C2CD3: variants seen among roughly 807,000 people sequenced by gnomAD.
C2CD3 encodes C2 domain containing 3 centriole elongation regulator, also known as C2 domain-containing protein 3.
In C2CD3, 148 loss-of-function variants were observed where a neutral mutation model predicts 234.0. That is an observed-to-expected ratio of 0.63 (90% CI 0.55 to 0.72). C2CD3 has a LOEUF of 0.72. Ranked by LOEUF, C2CD3 falls within the 30% of genes least tolerant of loss-of-function variation. The pLI is 0.00. For missense variants in C2CD3, 2,577 were observed against 2,811.5 expected, an observed-to-expected ratio of 0.92 and a Z score of 1.89; for synonymous variants, 1,000 against 1,035.4, an observed-to-expected ratio of 0.97 and a Z score of 0.66.
intron 7 of C2CD3, among the ~76,000 whole-genome samples, chr11:74,124,368 C>T (rs889929823): frequency 2.0e-5 from 3 of 152,100 alleles, no homozygotes; most frequent in Non-Finnish European, 2.9e-5. Flanking sequence ...CATTCCCTTC[C>T]TCACCTTTCC....
Position 74,090,940 on chromosome 11 carries a change from A to C in C2CD3, c.3518-4T>G, listed in dbSNP as rs184342009. On this transcript the variant is annotated splice_region_variant and splice_polypyrimidine_tract_variant and intron_variant, in intron 19 of 32. Transcript: ENST00000334126. ...CTTAGGCCCACATCCAGTAAACCTG[A>C]AGAATGAGGACACAAGGAAAGAAGG... 102 of 1,613,668 alleles carry C rather than the reference A, an allele frequency of 6.3e-5. 1 individual carries two copies. In the East Asian group the frequency reaches 2.2e-3, roughly 35 times the overall value.
At chr11:74,034,466 A>T in intron 30 of C2CD3, 188 bp from the exon 31 acceptor site, 1 of 1,557,004 alleles carries the variant, frequency 6.4e-7, no homozygotes, top group Non-Finnish European at 8.7e-7. Context: ...CTTTATTCTA[A>T]TATCAGAGGA....
intron 29 of C2CD3, among the ~76,000 whole-genome samples, chr11:74,041,524 C>T (rs1953056822): frequency 6.6e-6 from 1 of 152,204 alleles, no homozygotes; most frequent in Admixed American, 6.5e-5. Context: ...GCTATCTCCT[C>T]CACTGAGATG....
At chr11:74,048,137 A>G in intron 28 of C2CD3, 68 bp downstream of exon 28, 1 of 1,501,254 alleles carries the variant, frequency 6.7e-7, no homozygotes, top group Non-Finnish European at 9.1e-7. Flanking sequence ...AAAGAGAGAA[A>G]TGATAAGCCA....
chr11:74,094,113 C>G (rs1956012117), intron 17 of C2CD3, 114 bp from the exon 18 acceptor site: 1 of 789,862 alleles, frequency 1.3e-6, no homozygotes, highest in Admixed American at 2.9e-5. Flanking sequence ...TTATGGTTCC[C>G]TAAGGTCCCA....
At chr11:74,060,833 A>C (rs1954201913) in intron 24 of C2CD3, among the ~76,000 whole-genome samples, 1 of 152,228 alleles carries the variant, frequency 6.6e-6, no homozygotes, top group Non-Finnish European at 1.5e-5. Flanking sequence ...TTTCCAAGCT[A>C]AAGGAGGATG....
intron 3 of C2CD3, among the ~76,000 whole-genome samples, chr11:74,151,175 C>A (rs546441242): frequency 2.0e-5 from 3 of 152,150 alleles, no homozygotes. Flanking sequence ...CCGCCCGCCT[C>A]GGCCTCCCAA....
chr11:74,133,945 A>G (rs1407207063), intron 5 of C2CD3, among the ~76,000 whole-genome samples: 1 of 152,174 alleles, frequency 6.6e-6, no homozygotes, highest in African/African-American at 2.4e-5. Flanking sequence ...AAAGAGTGCT[A>G]AAAAGCTTCC....
chr11:74,160,046 T>C (rs796097741), intron 3 of C2CD3, among the ~76,000 whole-genome samples: 11 of 152,324 alleles, frequency 7.2e-5, no homozygotes, highest in African/African-American at 2.4e-4. Context: ...ACTGCCTTCA[T>C]TGTGTTACAA....
chr11:74,138,393 A>G (rs564740129), intron 5 of C2CD3, among the ~76,000 whole-genome samples: 1 of 152,340 alleles, frequency 6.6e-6, no homozygotes, highest in African/African-American at 2.4e-5. Flanking sequence ...ATCACGAGAC[A>G]AAAACCTTAC....
intron 24 of C2CD3, among the ~76,000 whole-genome samples, chr11:74,059,410 C>CAAAAAAAAAA (rs57052333): frequency 1.7e-4 from 5 of 29,958 alleles, no homozygotes; most frequent in African/African-American, 4.1e-4. Flanking sequence ...GACTCTGTCT[C>CAAAAAAAAAA]AAAAAAAAAA....
chr11:74,031,727 G>A (rs1325978442), intron 31 of C2CD3, among the ~76,000 whole-genome samples: 2 of 152,188 alleles, frequency 1.3e-5, no homozygotes, highest in Non-Finnish European at 2.9e-5. Flanking sequence ...AGAATAGTCA[G>A]GAAGGCCTAA....
chr11:74,084,003 T>C (rs1218552484), intron 22 of C2CD3, among the ~76,000 whole-genome samples: 1 of 152,228 alleles, frequency 6.6e-6, no homozygotes, highest in Non-Finnish European at 1.5e-5. Flanking sequence ...TGTATGTTTA[T>C]TGCGGCACTA....
intron 20 of C2CD3, among the ~76,000 whole-genome samples, chr11:74,087,721 A>G (rs538043590): frequency 3.7e-4 from 57 of 152,328 alleles, no homozygotes; most frequent in African/African-American, 1.3e-3. Context: ...TTGGGCCCCA[A>G]GCTGGTTTGA....
intron 20 of C2CD3, among the ~76,000 whole-genome samples, chr11:74,087,480 C>T (rs1421004523): frequency 6.6e-6 from 1 of 151,878 alleles, no homozygotes; most frequent in Non-Finnish European, 1.5e-5. Context: ...AGGAGAATCG[C>T]TTGAACCCAG....
At chr11:74,064,279 C>T (rs913758714) in intron 24 of C2CD3, among the ~76,000 whole-genome samples, 2 of 151,936 alleles carry the variant, frequency 1.3e-5, no homozygotes, top group African/African-American at 4.8e-5. Context: ...TTCCTACACA[C>T]CAAAAACAGA....
Position 74,103,352 on chromosome 11 carries a change from A to T in C2CD3, c.2359T>A (p.Ser787Thr), listed in dbSNP as rs141893632. ...TTTGTCTGATTGACTAAATTATGGG[A>T]GGCTGGCGTAGCTACGAAGGTTGAA... is the stretch of plus-strand genomic sequence containing the variant. ...HPSTFVATPA[S>T]HNLVNQTNGT... The change falls in exon 14 of 33, where the codon TCC (serine) becomes ACC (threonine). Residue 787 changes from serine to threonine, a missense_variant. Physicochemically the swap from Ser to Thr is moderately conservative, Grantham distance 58 (BLOSUM62 1). Transcript: ENST00000334126. 315 of 1,614,092 alleles carry T rather than the reference A, an allele frequency of 2.0e-4. 1 individual carries two copies. Among genetic ancestry groups the T allele is most frequent in the Non-Finnish European group, 2.6e-4 (303 of 1,180,040 alleles).
At chr11:74,082,125 T>A (rs572642170) in intron 22 of C2CD3, among the ~76,000 whole-genome samples, 6 of 147,210 alleles carry the variant, frequency 4.1e-5, no homozygotes, top group East Asian at 2.0e-4. Flanking sequence ...CTGTGGATAT[T>A]TTTTTTTTTT....
In C2CD3 at chr11:74,161,550, G is replaced by A; in HGVS notation, c.332C>T (p.Ala111Val). The A allele has an allele frequency of 6.4e-7, 1 of 1,559,020 alleles. No homozygotes were observed. Among genetic ancestry groups the A allele is most frequent in the South Asian group, 1.2e-5 (1 of 81,962 alleles). The change falls in exon 3 of 33, where the codon GCT (alanine) becomes GTT (valine). Residue 111 changes from alanine (A) to valine (V), a missense_variant. Coordinates refer to ENST00000334126, the MANE Select transcript of C2CD3 (RefSeq NM_001286577.2). ...KQFTSYLTDM[A>V]VLVLEVITKL... ...GGTGATTACTTCCAGCACCAGCACA[G>A]CCATATCTAACCAGAAACAATTACA...
Sources: allele counts gnomAD v4.1 joint callset (sites outside exome capture counted in the v4.1 genomes callset), GRCh38; gene constraint gnomAD v4.1.1; transcripts MANE v1.5; gene names NCBI Gene and HGNC (gene_info 2026-07-23, HGNC 2026-07-21).